The following FTCDNL1 variants were observed in gnomAD, a reference collection of about 807,000 sequenced individuals.
FTCDNL1 encodes formiminotransferase cyclodeaminase N-terminal like, also known as formiminotransferase N-terminal subdomain-containing protein.
In FTCDNL1, 11 loss-of-function variants were observed where a neutral mutation model predicts 5.9. The ratio of observed to expected loss-of-function variants is 1.87; its 90% CI spans 1.18 to 3.10. The LOEUF (loss-of-function observed/expected upper bound fraction) is 3.10. FTCDNL1 is among the 30% of genes most tolerant of loss of function. FTCDNL1 has a pLI of 0.00. For synonymous variants in FTCDNL1, 58 were observed against 24.8 expected (o/e 2.34, Z -3.99); for missense variants, 115 against 65.5 (o/e 1.76, Z -2.61).
chr2:199,708,450 T>C, the FTCDNL1 span, among the ~76,000 whole-genome samples: 3 of 152,182 alleles, frequency 2.0e-5, no homozygotes, highest in Non-Finnish European at 2.9e-5. Context: ...GTAATATTTT[T>C]ATTAATACTA....
chr2:199,701,556 C>A, the FTCDNL1 span, among the ~76,000 whole-genome samples: 2 of 152,036 alleles, frequency 1.3e-5, no homozygotes, highest in Non-Finnish European at 2.9e-5. Flanking sequence ...ATGGAATCAA[C>A]CTAGATGTCC....
the FTCDNL1 span, among the ~76,000 whole-genome samples, chr2:199,709,565 A>C: frequency 1.3e-5 from 2 of 152,194 alleles, no homozygotes; most frequent in Admixed American, 1.3e-4. Flanking sequence ...GAAAACTAGG[A>C]GAGCATATTG....
At chr2:199,770,655 C>A (rs1037896077) in intron 3 of FTCDNL1, among the ~76,000 whole-genome samples, 3 of 152,140 alleles carry the variant, frequency 2.0e-5, no homozygotes, top group Non-Finnish European at 4.4e-5. Flanking sequence ...AATTAACCAC[C>A]CAGACAAAGA....
At chr2:199,680,200 T>C in the FTCDNL1 span, among the ~76,000 whole-genome samples, 2 of 152,194 alleles carry the variant, frequency 1.3e-5, no homozygotes, top group African/African-American at 4.8e-5. Context: ...ATAATTGTAA[T>C]GAAAATGACC....
intron 3 of FTCDNL1, among the ~76,000 whole-genome samples, chr2:199,781,587 A>T (rs184290870): frequency 6.6e-6 from 1 of 152,318 alleles, no homozygotes; most frequent in East Asian, 1.9e-4. Flanking sequence ...CTTTAGAACT[A>T]CAGAATGGCA....
intron 3 of FTCDNL1, among the ~76,000 whole-genome samples, chr2:199,803,589 T>A (rs1370920151): frequency 1.3e-5 from 2 of 152,148 alleles, no homozygotes; most frequent in Non-Finnish European, 2.9e-5. Flanking sequence ...CTCAGCCTCC[T>A]GAGTAGCTGG....
intron 4 of FTCDNL1, 77 bp downstream of exon 4, chr2:199,819,495 A>C: frequency 1.5e-6 from 1 of 675,970 alleles, no homozygotes; most frequent in Non-Finnish European, 2.7e-6. Flanking sequence ...CTGCATTAAC[A>C]GGGTGTGGCT....
chr2:199,839,270 A>G (rs1574675778), intron 3 of FTCDNL1, among the ~76,000 whole-genome samples: 1 of 152,350 alleles, frequency 6.6e-6, no homozygotes, highest in East Asian at 1.9e-4. Context: ...TCATGAAATA[A>G]AACCAGGATG....
chr2:199,776,115 T>G (rs1408443796), intron 3 of FTCDNL1, among the ~76,000 whole-genome samples: 1 of 152,124 alleles, frequency 6.6e-6, no homozygotes, highest in Non-Finnish European at 1.5e-5. Flanking sequence ...GGTTTCACCT[T>G]GTTAGCCAGG....
chr2:199,763,990 T>A (rs959569704), intron 3 of FTCDNL1, among the ~76,000 whole-genome samples: 1 of 152,122 alleles, frequency 6.6e-6, no homozygotes, highest in African/African-American at 2.4e-5. Context: ...TACAGATGCC[T>A]GCCACGACAC....
chr2:199,714,144 T>C, the FTCDNL1 span, among the ~76,000 whole-genome samples: 91,705 of 152,062 alleles, frequency 0.6, 31,090 homozygotes, highest in Non-Finnish European at 0.76. Context: ...GACAAAATAC[T>C]GATATGTTTA....
At chr2:199,765,556 A>ATATATATATATATTTTT in intron 3 of FTCDNL1, among the ~76,000 whole-genome samples, 1 of 42,664 alleles carries the variant, frequency 2.3e-5, no homozygotes, top group Non-Finnish European at 4.8e-5. Flanking sequence ...ATATATATAT[A>ATATATATATATATTTTT]TTTTTTTTTT....
rs907432893 is a variant in FTCDNL1, at chr2:199,833,861, C to T, written c.211+12214G>A. ...TTTCATATCCCCACCTTTCAGATAA[C>T]GACCATTTCCACACACCCTTCTCCA... On this transcript the variant is annotated intron_variant, in intron 3 of 4. Transcript: ENST00000420128. Among the ~76,000 whole-genome samples the T allele has an allele frequency of 2.6e-5, 4 of 152,274 alleles. No homozygotes were observed. In the East Asian group the frequency reaches 5.8e-4, roughly 22 times the overall value.
intron 3 of FTCDNL1, among the ~76,000 whole-genome samples, chr2:199,781,223 T>A (rs575388346): frequency 1.0e-3 from 158 of 152,214 alleles, no homozygotes; most frequent in Admixed American, 2.3e-3. Context: ...TATAAACCAT[T>A]ACCTATATGT....
At chr2:199,754,045 T>C in the FTCDNL1 span, among the ~76,000 whole-genome samples, 1 of 152,184 alleles carries the variant, frequency 6.6e-6, no homozygotes, top group African/African-American at 2.4e-5. Context: ...GCCAGTGACT[T>C]GGCCGGGCTA....
At chr2:199,738,181 G>C in the FTCDNL1 span, among the ~76,000 whole-genome samples, 2 of 152,182 alleles carry the variant, frequency 1.3e-5, no homozygotes, top group African/African-American at 2.4e-5. Context: ...CTGAAAGAAA[G>C]ATTTGGGTTT....
the FTCDNL1 span, among the ~76,000 whole-genome samples, chr2:199,748,787 C>G: frequency 6.6e-6 from 1 of 152,156 alleles, no homozygotes; most frequent in Non-Finnish European, 1.5e-5. Flanking sequence ...AAGTTTTATA[C>G]TTTGCACCAA....
chr2:199,831,827 T>C (rs919608030), intron 3 of FTCDNL1, among the ~76,000 whole-genome samples: 39 of 152,178 alleles, frequency 2.6e-4, no homozygotes, highest in Admixed American at 2.2e-3. Flanking sequence ...AATAAATGGT[T>C]GTGAGGATTC....
downstream of FTCDNL1, among the ~76,000 whole-genome samples, chr2:199,757,996 G>A (rs1445795545): frequency 6.6e-6 from 1 of 152,076 alleles, no homozygotes; most frequent in African/African-American, 2.4e-5. Flanking sequence ...TGGCTAAAGG[G>A]GGCTGGGGAA....
Sources: gnomAD v4.1 joint callset for allele counts (sites outside exome capture counted in the v4.1 genomes callset) on GRCh38, gnomAD v4.1.1 for gene constraint, MANE v1.5 for transcripts, NCBI Gene and HGNC (gene_info 2026-07-23, HGNC 2026-07-21) for gene names.